TBC1D1: variants seen among roughly 807,000 people sequenced by gnomAD.
TBC1D1 encodes TBC1 domain family member 1.
In TBC1D1, 89 loss-of-function variants were observed where a neutral mutation model predicts 125.6. That is an observed-to-expected ratio of 0.71 (90% CI 0.60 to 0.85). The LOEUF (loss-of-function observed/expected upper bound fraction) is 0.85, where lower values mean the gene tolerates loss of function less well. Among genes scored for constraint, TBC1D1 ranks in the 40% least tolerant of loss-of-function variants. The probability of loss-of-function intolerance (pLI) is 0.00; values close to 1 mark genes in which losing one functional copy is unlikely to be tolerated. For missense variants in TBC1D1, 1,377 were observed against 1,469.2 expected, an observed-to-expected ratio of 0.94 and a Z score of 1.03; for synonymous variants, 565 against 564.1, an observed-to-expected ratio of 1.00 and a Z score of -0.02.
chr4:37,968,704 G>C (rs926040415), intron 2 of TBC1D1, among the ~76,000 whole-genome samples: 6 of 152,190 alleles, frequency 3.9e-5, no homozygotes, highest in Admixed American at 1.3e-4. Flanking sequence ...CTTGTCACCT[G>C]AAGATTCATC....
At chr4:38,059,995 G>A (rs1393550677) in intron 12 of TBC1D1, among the ~76,000 whole-genome samples, 4 of 152,112 alleles carry the variant, frequency 2.6e-5, no homozygotes, top group African/African-American at 7.2e-5. Flanking sequence ...CTGTTCCTGC[G>A]TTAGTTTGCT....
intron 2 of TBC1D1, among the ~76,000 whole-genome samples, chr4:37,941,769 A>G (rs1325484669): frequency 5.3e-5 from 8 of 152,126 alleles, no homozygotes; most frequent in Admixed American, 1.3e-4. Context: ...TTCTGCCTTC[A>G]TTTCGTTATG....
chr4:38,120,650 G>A (rs1578813939), intron 17 of TBC1D1, among the ~76,000 whole-genome samples: 1 of 152,214 alleles, frequency 6.6e-6, no homozygotes, highest in African/African-American at 2.4e-5. Context: ...CCTTGGAGGG[G>A]CGGCTGCCAG....
chr4:38,021,224 G>C (rs1743953135), intron 5 of TBC1D1, among the ~76,000 whole-genome samples: 1 of 152,194 alleles, frequency 6.6e-6, no homozygotes, highest in African/African-American at 2.4e-5. Flanking sequence ...GATCTCGTGA[G>C]ATTTATTCAC....
chr4:37,934,555 C>T (rs1164696504), intron 2 of TBC1D1, among the ~76,000 whole-genome samples: 2 of 152,128 alleles, frequency 1.3e-5, no homozygotes, highest in African/African-American at 4.8e-5. Context: ...AGAGTTGATG[C>T]ATATGGCTTC....
chr4:38,115,594 T>C, intron 15 of TBC1D1, 116 bp from the exon 18 acceptor site: 5 of 1,099,292 alleles, frequency 4.5e-6, no homozygotes, highest in South Asian at 1.6e-5. Context: ...CTGATTGATA[T>C]TATGATCCAG....
chr4:38,055,445 A>AT (rs558928641), intron 12 of TBC1D1, among the ~76,000 whole-genome samples: 11 of 152,168 alleles, frequency 7.2e-5, no homozygotes, highest in Admixed American at 3.9e-4. Flanking sequence ...TTACTGATAC[A>AT]TTTTTTTTAA....
At chr4:38,129,330 G>A (rs552392880) in intron 18 of TBC1D1, among the ~76,000 whole-genome samples, 1 of 152,206 alleles carries the variant, frequency 6.6e-6, no homozygotes, top group Non-Finnish European at 1.5e-5. Context: ...AGTTTGCACC[G>A]TGGAAAAGGA....
In TBC1D1 at chr4:37,977,599, C is replaced by T. The variant is rs1284734407; in HGVS notation, c.418-36910C>T. The T allele has an allele frequency of 6.3e-6, 3 of 474,924 alleles. No homozygotes were observed. Among genetic ancestry groups the T allele is most frequent in the Admixed American group, 6.4e-5 (1 of 15,666 alleles). 29.4% of individuals were successfully genotyped at this position (474,924 alleles called of 1,614,324 possible). A position where few individuals can be genotyped will look rare whatever the true frequency, so the allele number is the denominator to read the frequency against. On this transcript the variant is annotated intron_variant, in intron 2 of 19. Transcript: ENST00000261439. This position sits in a 1 kb window ranked among gnomAD's most constrained non-coding sequence, Gnocchi z 4.3. ...GGCGCGGGGCTGGAACATTTGTAAC[C>T]TTCGGGCCGGGGCTGGGCCGGGCCG...
chr4:38,129,083 C>G (rs912474667), intron 18 of TBC1D1, among the ~76,000 whole-genome samples: 1 of 152,172 alleles, frequency 6.6e-6, no homozygotes, highest in Non-Finnish European at 1.5e-5. Flanking sequence ...GGGCCACACC[C>G]GAGACCTGCT....
At chr4:37,966,621 G>A (rs928324991) in intron 2 of TBC1D1, among the ~76,000 whole-genome samples, 1 of 152,142 alleles carries the variant, frequency 6.6e-6, no homozygotes, top group Non-Finnish European at 1.5e-5. Flanking sequence ...TAAGTATACA[G>A]ACACCTTTTA....
In TBC1D1 at chr4:38,018,422, GGA is replaced by G. The variant is rs1163122680; in HGVS notation, c.954_955del (p.Glu318AspfsTer39). ...AAATAGCATTGGAGAAAAATTTTAA[GGA>G]GATATCCTTTTGCTCTCAGGTAAAT... is the stretch of plus-strand genomic sequence containing the variant. On this transcript the variant is annotated frameshift_variant, in exon 4 of 20. Coordinates refer to ENST00000261439, the MANE Select transcript of TBC1D1 (RefSeq NM_015173.4). LOFTEE classifies it high-confidence loss of function. The G allele has an allele frequency of 6.2e-7, 1 of 1,610,842 alleles. No individual in the cohort carries two copies. Among genetic ancestry groups the G allele is most frequent in the Admixed American group, 1.7e-5 (1 of 59,496 alleles).
At chr4:37,971,427 C>T (rs1731996554) in intron 2 of TBC1D1, among the ~76,000 whole-genome samples, 1 of 152,016 alleles carries the variant, frequency 6.6e-6, no homozygotes. Context: ...GAGAGCCGAA[C>T]AAAAAGGGTT....
intron 2 of TBC1D1, among the ~76,000 whole-genome samples, chr4:37,911,008 C>T (rs866230514): frequency 5.3e-5 from 8 of 151,522 alleles, no homozygotes; most frequent in Admixed American, 2.0e-4. Flanking sequence ...TAATTTTAAA[C>T]TACGTATGTA....
chr4:38,039,724 C>A (rs1443777812), intron 8 of TBC1D1, among the ~76,000 whole-genome samples: 1 of 152,168 alleles, frequency 6.6e-6, no homozygotes, highest in Non-Finnish European at 1.5e-5. Context: ...ATACTTGAAT[C>A]CAAACTTTCA....
chr4:37,983,838 G>A (rs911760727), intron 2 of TBC1D1, among the ~76,000 whole-genome samples: 3 of 152,158 alleles, frequency 2.0e-5, no homozygotes, highest in African/African-American at 4.8e-5. Flanking sequence ...GTATAATGAC[G>A]TATATCCAGC....
At chr4:37,923,395 A>C (rs112842050) in intron 2 of TBC1D1, among the ~76,000 whole-genome samples, 7,105 of 152,252 alleles carry the variant, frequency 0.047, 598 homozygotes, top group East Asian at 0.35. Context: ...TCTATTGTGA[A>C]TAGTGCTGCA....
intron 12 of TBC1D1, among the ~76,000 whole-genome samples, chr4:38,085,941 T>C (rs558843589): frequency 6.6e-6 from 1 of 152,318 alleles, no homozygotes; most frequent in Non-Finnish European, 1.5e-5. Flanking sequence ...TGCACACGCC[T>C]GAAGGAGGAC....
At chr4:37,943,879 G>C (rs1388082911) in intron 2 of TBC1D1, among the ~76,000 whole-genome samples, 1 of 152,194 alleles carries the variant, frequency 6.6e-6, no homozygotes, top group Non-Finnish European at 1.5e-5. Context: ...TGCTGGTGAG[G>C]AGCTGCATTC....
Sources: gnomAD v4.1 joint callset for allele counts (sites outside exome capture counted in the v4.1 genomes callset) on GRCh38, gnomAD v4.1.1 for gene constraint, Gnocchi (gnomAD v3.1) non-coding constraint, MANE v1.5 for transcripts, NCBI Gene and HGNC (gene_info 2026-07-23, HGNC 2026-07-21) for gene names.